MYO18B: variants seen among roughly 807,000 people sequenced by gnomAD.
The protein encoded by MYO18B is unconventional myosin-XVIIIb.
Under a neutral mutation model 273.0 loss-of-function variants are expected in MYO18B, and 204 were observed. The ratio of observed to expected loss-of-function variants is 0.75; its 90% CI spans 0.67 to 0.84. The LOEUF (loss-of-function observed/expected upper bound fraction) is 0.84. Among genes scored for constraint, MYO18B ranks in the 40% least tolerant of loss-of-function variants. The pLI is 0.00. For missense variants in MYO18B, 3,212 were observed against 3,287.6 expected, an observed-to-expected ratio of 0.98 and a Z score of 0.56; for synonymous variants, 1,330 against 1,305.7, an observed-to-expected ratio of 1.02 and a Z score of -0.40.
Position 25,895,181 on chromosome 22 carries a change from C to A in MYO18B, c.4569C>A (p.Asp1523Glu). 6.2e-7 allele frequency: 1 copy of A among 1,612,400 alleles called. No homozygotes were observed. Among genetic ancestry groups the A allele is most frequent in the Non-Finnish European group, 8.5e-7 (1 of 1,179,320 alleles). ...CAGACGAGTGGCAGATGCGCTTCGA[C>A]TGTGCTCAGATGGAGAACGAGTTCC... ...GGADEWQMRFDCAQMENEFLR... is the reference protein window; with the variant it reads ...GGADEWQMRFECAQMENEFLR... The change falls in exon 28 of 44, where the codon GAC becomes GAA. Residue 1523 changes from aspartate to glutamate, a missense_variant. Transcript: ENST00000335473.
intron 14 of MYO18B, 30 bp from the exon 15 acceptor site, chr22:25,828,746 A>T: frequency 6.3e-7 from 1 of 1,598,546 alleles, no homozygotes; most frequent in Non-Finnish European, 8.5e-7. Flanking sequence ...ATGCCATCTC[A>T]GACATTCCAC....
In MYO18B at chr22:25,883,153, C is replaced by T. The variant is rs2091394945; in HGVS notation, c.4314+5105C>T. 6.6e-6 allele frequency among the ~76,000 whole-genome samples: 1 copy of T among 152,160 alleles called. No homozygotes were observed. The highest frequency in any genetic ancestry group is 1.5e-5 in the Non-Finnish European group (1 of 68,026). On this transcript the variant is annotated intron_variant, in intron 25 of 43. Transcript: ENST00000335473. This position sits in a 1 kb window ranked among gnomAD's most constrained non-coding sequence, Gnocchi z 7.6. Reference sequence around the variant, plus strand: ...GGCTCAAGCGATCCTCCTGCCTTGGCCTCCCAGAGTGCTGGCGTGAACCAT... The same window carrying T: ...GGCTCAAGCGATCCTCCTGCCTTGGTCTCCCAGAGTGCTGGCGTGAACCAT...
chr22:25,881,286 G>A (rs575207181), intron 25 of MYO18B, among the ~76,000 whole-genome samples: 1 of 152,358 alleles, frequency 6.6e-6, no homozygotes, highest in African/African-American at 2.4e-5. Context: ...CTCCTTGCAG[G>A]AAGGACCACA....
intron 34 of MYO18B, among the ~76,000 whole-genome samples, chr22:25,932,602 A>T (rs1346604319): frequency 2.7e-5 from 4 of 150,912 alleles, no homozygotes; most frequent in Non-Finnish European, 5.9e-5. Context: ...TAGAGACGGG[A>T]TTTCTCCACG....
intron 25 of MYO18B, among the ~76,000 whole-genome samples, chr22:25,882,478 T>G (rs1467864868): frequency 6.6e-6 from 1 of 152,206 alleles, no homozygotes; most frequent in East Asian, 1.9e-4. Flanking sequence ...TAGCAAAGTA[T>G]GACTTCAGCA....
chr22:25,876,921 C>T (rs1201727453), intron 24 of MYO18B: 1 of 152,156 alleles, frequency 6.6e-6, no homozygotes, highest in East Asian at 1.9e-4. Context: ...CCTCCTTGTT[C>T]TGTCTTTATG....
chr22:25,898,484 A>T, intron 29 of MYO18B, 23 bp downstream of exon 29: 3 of 1,610,078 alleles, frequency 1.9e-6, no homozygotes, highest in Non-Finnish European at 2.5e-6. Context: ...TCTCACCATC[A>T]CCTGGGCTGC....
At chr22:25,908,907 A>G (rs368225321) in intron 32 of MYO18B, among the ~76,000 whole-genome samples, 1 of 151,910 alleles carries the variant, frequency 6.6e-6, no homozygotes, top group Non-Finnish European at 1.5e-5. Flanking sequence ...GCTCTCTTTC[A>G]CTCTCTGTAC....
chr22:25,870,438 CAT>C (rs1389520329), intron 22 of MYO18B, among the ~76,000 whole-genome samples: 2 of 152,072 alleles, frequency 1.3e-5, no homozygotes, highest in African/African-American at 4.8e-5. Flanking sequence ...AGTATTTAAA[CAT>C]AGAAAAAGTA....
At chr22:25,782,563 C>T (rs1055866730) in intron 10 of MYO18B, among the ~76,000 whole-genome samples, 4 of 152,202 alleles carry the variant, frequency 2.6e-5, no homozygotes, top group African/African-American at 9.7e-5. Context: ...TCTCCCAGAG[C>T]CTTGGTTTCC....
the MYO18B span, among the ~76,000 whole-genome samples, chr22:26,040,318 G>A: frequency 2.0e-5 from 3 of 152,186 alleles, no homozygotes; most frequent in Non-Finnish European, 4.4e-5. Flanking sequence ...CTACACAGCT[G>A]TGGGGTCCAG....
intron 40 of MYO18B, among the ~76,000 whole-genome samples, chr22:25,997,320 A>AAC (rs1257246646): frequency 1.3e-5 from 2 of 149,922 alleles, no homozygotes; most frequent in African/African-American, 5.0e-5. Flanking sequence ...AAAAAAAAAA[A>AAC]AAAAAAAAAA....
intron 19 of MYO18B, among the ~76,000 whole-genome samples, chr22:25,846,899 G>T (rs1443074645): frequency 6.6e-6 from 1 of 152,062 alleles, no homozygotes; most frequent in African/African-American, 2.4e-5. Flanking sequence ...GGCCAACATG[G>T]TGAAACCCTG....
rs1415971261 is a variant in MYO18B at position 25,828,713 on chromosome 22, G to C, written c.2787-63G>C. ...TTGAAACCAGTTCTGCTGGAGGCTT[G>C]GATCAGTGTGCTCCTAGATTCCATG... On this transcript the variant is annotated intron_variant, in intron 14 of 43. Coordinates refer to ENST00000335473, the MANE Select transcript of MYO18B (RefSeq NM_032608.7). 3 of 1,504,546 alleles carry C rather than the reference G, an allele frequency of 2.0e-6. No individual in the cohort carries two copies. The African/African-American group carries it at 4.1e-5, about 21-fold the overall frequency. The allele number at this position is 1,504,546 out of a possible 1,614,324, so 93.2% of individuals were successfully genotyped here. A position where few individuals can be genotyped will look rare whatever the true frequency, so the allele number is the denominator to read the frequency against.
At chr22:25,995,864 G>T (rs916428) in intron 40 of MYO18B, among the ~76,000 whole-genome samples, 24,346 of 152,086 alleles carry the variant, frequency 0.16, 2,106 homozygotes, top group African/African-American at 0.19. Flanking sequence ...CCTGCTGGGC[G>T]TCTGATGTTT....
chr22:25,792,429 C>T (rs1425560823), intron 11 of MYO18B, among the ~76,000 whole-genome samples: 1 of 151,286 alleles, frequency 6.6e-6, no homozygotes, highest in Non-Finnish European at 1.5e-5. Context: ...TCCTGCCCTC[C>T]CTGCAGTCTC....
Position 25,770,157 on chromosome 22 carries a change from G to A in MYO18B, c.1560G>A (p.Gln520=), listed in dbSNP as rs1380715522. The A allele has an allele frequency of 6.2e-7, 1 of 1,613,866 alleles. No individual in the cohort carries two copies. The highest frequency in any genetic ancestry group is 8.5e-7 in the Non-Finnish European group (1 of 1,179,888). ...AGGCAGAGAAAGTCTGGCTGGCTCA[G>A]AAGGATGGATTTACTCTTGGTAAGT... ...WYEAEKVWLA[Q]KDGFTLATVL... Residue 520 remains glutamine (Q), a synonymous_variant, in exon 5 of 44, where the codon CAG becomes CAA. Transcript: ENST00000335473.
intron 34 of MYO18B, among the ~76,000 whole-genome samples, chr22:25,922,308 A>T (rs1213918868): frequency 6.6e-6 from 1 of 152,186 alleles, no homozygotes; most frequent in African/African-American, 2.4e-5. Context: ...GCCGGAGCAG[A>T]GACTGGGGAC....
chr22:25,857,437 G>T (rs1271929717), intron 21 of MYO18B, among the ~76,000 whole-genome samples: 1 of 152,026 alleles, frequency 6.6e-6, no homozygotes, highest in Non-Finnish European at 1.5e-5. Context: ...CTGTTATTCT[G>T]TCTCCCACCC....
Sources: gnomAD v4.1 joint callset for allele counts (sites outside exome capture counted in the v4.1 genomes callset) on GRCh38, gnomAD v4.1.1 for gene constraint, Gnocchi (gnomAD v3.1) non-coding constraint, MANE v1.5 for transcripts, NCBI Gene and HGNC (gene_info 2026-07-23, HGNC 2026-07-21) for gene names.